The following ENG variants were observed in gnomAD, a reference collection of about 807,000 sequenced individuals.
ENG encodes the protein endoglin.
ENG carries 17 observed loss-of-function variants against 71.0 expected under a neutral mutation model. The observed-to-expected ratio is 0.24, with a 90% confidence interval of 0.16 to 0.36. ENG has a LOEUF of 0.36. ENG is among the 10% of genes least tolerant of loss of function. The probability of loss-of-function intolerance (pLI) is 1.00; values close to 1 mark genes in which losing one functional copy is unlikely to be tolerated. For missense variants in ENG, 749 were observed against 868.3 expected (o/e 0.86, Z 1.73); for synonymous variants, 360 against 366.9 (o/e 0.98, Z 0.21).
At chr9:127,830,792 A>G (rs945202263) in intron 2 of ENG, among the ~76,000 whole-genome samples, 4 of 151,978 alleles carry the variant, frequency 2.6e-5, no homozygotes, top group African/African-American at 9.7e-5. Context: ...CGTCCCCACC[A>G]CCTTTCCTGC....
chr9:127,817,451 T>A (rs1482238167), intron 12 of ENG: 3 of 582,732 alleles, frequency 5.1e-6, no homozygotes, highest in Non-Finnish European at 9.3e-6. Flanking sequence ...CCAGGAGCAC[T>A]GTGGAAGCAC....
chr9:127,849,276 G>A (rs138440692), intron 1 of ENG, among the ~76,000 whole-genome samples: 37 of 152,294 alleles, frequency 2.4e-4, no homozygotes, highest in African/African-American at 7.5e-4. Context: ...ATGTGCTCTC[G>A]CCATTACTCC....
chr9:127,816,784 A>G (rs769559958), intron 13 of ENG: 6 of 374,846 alleles, frequency 1.6e-5, no homozygotes, highest in Admixed American at 3.8e-5. Context: ...GAGAGGCCTC[A>G]AGGAAGGCAA....
chr9:127,838,668 T>C lies in ENG; in HGVS notation c.219+4426A>G, dbSNP rs1318620928. Among the ~76,000 whole-genome samples the C allele has an allele frequency of 6.6e-6, 1 of 152,100 alleles. No homozygotes were observed. The highest frequency in any genetic ancestry group is 2.1e-4 in the South Asian group (1 of 4,826). On this transcript the variant is annotated intron_variant, in intron 2 of 14. Transcript: ENST00000373203. The surrounding 1 kb of genome is among the most constrained non-coding windows in gnomAD (Gnocchi z 4.3). ...GCAGCCTGTGCATTTGTTAGGAGGATAGCAGATCGGCCCAGTCAGCCTGAC... is the reference window on the plus strand; with the variant it reads ...GCAGCCTGTGCATTTGTTAGGAGGACAGCAGATCGGCCCAGTCAGCCTGAC...
intron 5 of ENG, 43 bp from the exon 6 acceptor site, chr9:127,825,400 C>T (rs1308858772): frequency 6.2e-7 from 1 of 1,604,152 alleles, no homozygotes; most frequent in Non-Finnish European, 8.5e-7. Context: ...AGCGGACAGG[C>T]CAGGCGGGGA....
intron 2 of ENG, among the ~76,000 whole-genome samples, chr9:127,834,542 T>C (rs534113422): frequency 2.6e-5 from 4 of 152,330 alleles, no homozygotes; most frequent in South Asian, 2.1e-4. Context: ...GTAACTGGGA[T>C]TACAGGCACC....
At chr9:127,847,100 C>A in intron 1 of ENG, 1 of 234,622 alleles carries the variant, frequency 4.3e-6, no homozygotes, top group Non-Finnish European at 7.0e-6. Context: ...GCAGATGCTC[C>A]CATCATGCTT....
intron 11 of ENG, 51 bp from the exon 12 acceptor site, chr9:127,818,428 C>T (rs1830388014): frequency 6.2e-7 from 1 of 1,605,706 alleles, no homozygotes; most frequent in Admixed American, 1.7e-5. Flanking sequence ...CTTCACCCCA[C>T]CCCACCTGCT....
intron 9 of ENG, 83 bp from the exon 10 acceptor site, chr9:127,819,743 T>A (rs1046749602): frequency 6.3e-6 from 10 of 1,588,180 alleles, no homozygotes; most frequent in African/African-American, 2.7e-5. Context: ...TTTTTGCAGA[T>A]GGGGAGACTA....
Position 127,838,694 on chromosome 9 carries a change from G to A in ENG, c.219+4400C>T, listed in dbSNP as rs532446281. On this transcript the variant is annotated intron_variant, in intron 2 of 14. Transcript: ENST00000373203. The surrounding 1 kb of genome is among the most constrained non-coding windows in gnomAD (Gnocchi z 4.3). ...AGCAGATCGGCCCAGTCAGCCTGAC[G>A]GGAATTGCTGAGACACCAGGCTGGT... 9.8e-5 allele frequency among the ~76,000 whole-genome samples: 15 copies of A among 152,300 alleles called. No homozygotes were observed. Among genetic ancestry groups the A allele is most frequent in the African/African-American group, 2.9e-4 (12 of 41,560 alleles).
In ENG at chr9:127,825,770, C is replaced by A; in HGVS notation, c.614G>T (p.Arg205Leu). 1 of 1,598,336 alleles carries A rather than the reference C, an allele frequency of 6.3e-7. No individual in the cohort carries two copies. The highest frequency in any genetic ancestry group is 8.5e-7 in the Non-Finnish European group (1 of 1,174,120). ...EWRPRTPALVRGCHLEGVAGH... is the reference protein window; with the variant it reads ...EWRPRTPALVLGCHLEGVAGH... ...GGCCACGCCTTCCAAGTGGCAGCCC[C>A]GGACCAAGGCTGGAGTACGCGGCCG... The change falls in exon 5 of 15, where the codon CGG becomes CTG. Residue 205 changes from arginine (R) to leucine (L), a missense_variant. Physicochemically the swap from Arg to Leu is moderately radical, Grantham distance 102 (BLOSUM62 -2). Transcript: ENST00000373203.
At chr9:127,835,998 G>T (rs1020494640) in intron 2 of ENG, among the ~76,000 whole-genome samples, 4 of 152,124 alleles carry the variant, frequency 2.6e-5, no homozygotes, top group African/African-American at 9.7e-5. Context: ...TGGAAAGCTG[G>T]GTGCTCAGGT....
At chr9:127,844,886 G>A (rs1254416744) in intron 1 of ENG, among the ~76,000 whole-genome samples, 1 of 152,194 alleles carries the variant, frequency 6.6e-6, no homozygotes, top group Non-Finnish European at 1.5e-5. Flanking sequence ...GGGGTTGAGA[G>A]TTCCCTAGCC....
chr9:127,824,448 TGTGGG>T lies in ENG; in HGVS notation c.992-7_992-3del. ...CGGGTGAGGTCTGCAGCCTACCACC[TGTGGG>T]GTAGCAGAGGCAGGCCAGGCGGCTG... is the stretch of plus-strand genomic sequence containing the variant. On this transcript the variant is annotated splice_region_variant and splice_polypyrimidine_tract_variant and intron_variant, in intron 7 of 14. Coordinates refer to ENST00000373203, the MANE Select transcript of ENG (RefSeq NM_001114753.3). 6.2e-7 allele frequency: 1 copy of T among 1,607,024 alleles called. No homozygotes were observed. Among genetic ancestry groups the T allele is most frequent in the Non-Finnish European group, 8.5e-7 (1 of 1,176,516 alleles).
At chr9:127,842,433 T>G (rs1466063644) in intron 2 of ENG, among the ~76,000 whole-genome samples, 1 of 151,746 alleles carries the variant, frequency 6.6e-6, no homozygotes, top group Non-Finnish European at 1.5e-5. Flanking sequence ...TTTTTATTTT[T>G]TATTTTTTTG....
chr9:127,842,963 A>G, intron 2 of ENG, 131 bp downstream of exon 2: 1 of 1,420,208 alleles, frequency 7.0e-7, no homozygotes, highest in Non-Finnish European at 9.8e-7. Flanking sequence ...TGCCCACATC[A>G]CTCTCTTGGC....
rs1489927188 is a variant in ENG, at chr9:127,829,732, G to A, written c.315C>T (p.Val105=). ...TTCCCAGGGCCTGGAGATGCAGGAA[G>A]ACACTGCTGTTTACACTGAGGACCA... ...VLLVLSVNSS[V]FLHLQALGIP... The change falls in exon 3 of 15, where the codon GTC becomes GTT. Residue 105 remains valine (V), a synonymous_variant. Transcript: ENST00000373203. The A allele has an allele frequency of 6.8e-6, 11 of 1,614,184 alleles. No homozygotes were observed. Among genetic ancestry groups the A allele is most frequent in the Non-Finnish European group, 9.3e-6 (11 of 1,180,040 alleles).
rs914263377 is a variant in ENG at position 127,834,035 on chromosome 9, AT to A, written c.220-4209del. Among the ~76,000 whole-genome samples the A allele has an allele frequency of 6.7e-5, 10 of 150,228 alleles. No homozygotes were observed. In the East Asian group the frequency reaches 7.8e-4, roughly 12 times the overall value. ...TTGTGATCAATTAGTTGTAAACACA[AT>A]TTTTTTTTTCATTTTAGTGTGCCAT... On this transcript the variant is annotated intron_variant, in intron 2 of 14. Transcript: ENST00000373203.
chr9:127,819,068 G>T (rs746023052), intron 10 of ENG, among the ~76,000 whole-genome samples: 16 of 151,864 alleles, frequency 1.1e-4, no homozygotes, highest in Non-Finnish European at 1.8e-4. Context: ...CTCCCAAGTA[G>T]CTGGGATTAC....
Sources: allele counts gnomAD v4.1 joint callset (sites outside exome capture counted in the v4.1 genomes callset), GRCh38; gene constraint gnomAD v4.1.1; non-coding constraint Gnocchi (gnomAD v3.1); transcripts MANE v1.5; gene names NCBI Gene and HGNC (gene_info 2026-07-23, HGNC 2026-07-21).